Variants in PRKG1 observed in about 807,000 individuals in gnomAD.
PRKG1 encodes the protein protein kinase cGMP-dependent 1.
In PRKG1, 35 loss-of-function variants were observed where a neutral mutation model predicts 88.1. That is an observed-to-expected ratio of 0.40 (90% CI 0.30 to 0.53). The LOEUF (loss-of-function observed/expected upper bound fraction) is 0.53, where lower values mean the gene tolerates loss of function less well. PRKG1 is among the 20% of genes least tolerant of loss of function. The pLI is 0.59. For missense variants in PRKG1, 540 were observed against 839.8 expected (o/e 0.64, Z 4.41); for synonymous variants, 303 against 292.5 (o/e 1.04, Z -0.37).
intron 2 of PRKG1, among the ~76,000 whole-genome samples, chr10:51,355,968 C>A (rs535827138): frequency 6.6e-6 from 1 of 152,166 alleles, no homozygotes; most frequent in South Asian, 2.1e-4. Flanking sequence ...AGCTACAGCA[C>A]TGCTAATGTT....
intron 1 of PRKG1, among the ~76,000 whole-genome samples, chr10:51,049,401 A>C (rs1193853692): frequency 6.6e-6 from 1 of 152,220 alleles, no homozygotes; most frequent in Non-Finnish European, 1.5e-5. Context: ...TAATGAGGAA[A>C]CAATTTTTAA....
intron 2 of PRKG1, among the ~76,000 whole-genome samples, chr10:51,394,897 C>CT (rs1261411178): frequency 6.6e-6 from 1 of 152,274 alleles, no homozygotes; most frequent in East Asian, 1.9e-4. Context: ...ATTTTCCACA[C>CT]TTTTTTGATA....
intron 3 of PRKG1, among the ~76,000 whole-genome samples, chr10:51,486,654 G>T (rs914814097): frequency 4.6e-5 from 7 of 152,008 alleles, no homozygotes; most frequent in Non-Finnish European, 8.8e-5. Context: ...CGTACTATTT[G>T]AGTTTCTCAT....
chr10:51,502,296 C>T (rs1448285147), intron 3 of PRKG1, among the ~76,000 whole-genome samples: 1 of 152,102 alleles, frequency 6.6e-6, no homozygotes, highest in Admixed American at 6.6e-5. Context: ...ATAATCCTAT[C>T]CCTGGTGTCA....
intron 9 of PRKG1, chr10:52,230,652 C>T (rs1390872456): frequency 2.0e-5 from 3 of 152,156 alleles, no homozygotes; most frequent in African/African-American, 7.2e-5. Flanking sequence ...GCACTCATCG[C>T]TCACATGGAT....
At chr10:51,724,116 G>A (rs1181820785) in intron 3 of PRKG1, among the ~76,000 whole-genome samples, 1 of 152,046 alleles carries the variant, frequency 6.6e-6, no homozygotes, top group African/African-American at 2.4e-5. Flanking sequence ...ATCATAGAGG[G>A]GGTAAAAAAG....
intron 1 of PRKG1, among the ~76,000 whole-genome samples, chr10:51,027,968 A>C (rs1038069705): frequency 1.3e-5 from 2 of 152,216 alleles, no homozygotes; most frequent in African/African-American, 2.4e-5. Context: ...TCTCTGGTAG[A>C]TAATGCTAGA....
chr10:51,673,903 T>G (rs568299884), intron 3 of PRKG1, among the ~76,000 whole-genome samples: 18 of 152,326 alleles, frequency 1.2e-4, no homozygotes, highest in Admixed American at 1.1e-3. Flanking sequence ...TAATCTTGTA[T>G]TGATCACACA....
At position 51,817,141 on chromosome 10, in the gene PRKG1, G is replaced by A. The variant is rs117281790; in HGVS notation, c.698+12451G>A. Among the ~76,000 whole-genome samples the A allele has an allele frequency of 6.9e-3, 1,055 of 152,116 alleles. 1 individual carries two copies. Among genetic ancestry groups the A allele is most frequent in the Admixed American group, 0.011 (161 of 15,280 alleles). On this transcript the variant is annotated intron_variant, in intron 4 of 17. Coordinates refer to ENST00000373980, the MANE Select transcript of PRKG1 (RefSeq NM_006258.4). ...CACTTAGCATTGCTTCTTGAAATTA[G>A]GTCTTGGTGTTTGGGGCAGCGGGGC...
At chr10:51,180,376 A>T (rs1837311929) in intron 2 of PRKG1, among the ~76,000 whole-genome samples, 1 of 152,158 alleles carries the variant, frequency 6.6e-6, no homozygotes, top group Non-Finnish European at 1.5e-5. Flanking sequence ...AAGTAGACTT[A>T]GTTTGCTTTT....
chr10:51,983,410 G>A (rs1444834325), intron 5 of PRKG1, among the ~76,000 whole-genome samples: 1 of 152,170 alleles, frequency 6.6e-6, no homozygotes, highest in Non-Finnish European at 1.5e-5. Context: ...GTCAGGCATA[G>A]TCTGCCTGTG....
At chr10:51,143,297 G>T (rs1223818693) in intron 1 of PRKG1, among the ~76,000 whole-genome samples, 1 of 151,996 alleles carries the variant, frequency 6.6e-6, no homozygotes, top group Non-Finnish European at 1.5e-5. Context: ...CCATGTTGTT[G>T]TAAATGGCAG....
chr10:51,861,036 C>G (rs1159266761), intron 4 of PRKG1, among the ~76,000 whole-genome samples: 1 of 152,130 alleles, frequency 6.6e-6, no homozygotes, highest in Non-Finnish European at 1.5e-5. Flanking sequence ...AGCAAATGAG[C>G]TAAGCCCTTT....
chr10:52,110,971 A>G (rs1290031282), intron 7 of PRKG1, among the ~76,000 whole-genome samples: 1 of 152,216 alleles, frequency 6.6e-6, no homozygotes, highest in East Asian at 1.9e-4. Flanking sequence ...AGAAATGTTC[A>G]CCAATGCCAA....
intron 14 of PRKG1, among the ~76,000 whole-genome samples, chr10:52,284,047 C>T (rs868143385): frequency 8.6e-5 from 13 of 151,748 alleles, no homozygotes; most frequent in African/African-American, 3.1e-4. Context: ...TAAAAACTGG[C>T]ATATACTAAA....
intron 5 of PRKG1, among the ~76,000 whole-genome samples, chr10:51,964,917 T>C (rs1304968729): frequency 6.6e-6 from 1 of 152,126 alleles, no homozygotes; most frequent in Admixed American, 6.6e-5. Flanking sequence ...TTATTTAAAA[T>C]CAGTTGGAAA....
intron 1 of PRKG1, among the ~76,000 whole-genome samples, chr10:51,048,222 C>T (rs1372935983): frequency 6.6e-6 from 1 of 152,042 alleles, no homozygotes. Flanking sequence ...TTCCTTTCTT[C>T]CTGTCTTTCT....
chr10:51,146,498 A>G (rs1050272003), intron 1 of PRKG1, among the ~76,000 whole-genome samples: 3 of 151,868 alleles, frequency 2.0e-5, no homozygotes, highest in East Asian at 1.9e-4. Flanking sequence ...GAAGCTTGCA[A>G]ATATTTACTC....
intron 4 of PRKG1, among the ~76,000 whole-genome samples, chr10:51,842,662 T>C (rs565175130): frequency 3.0e-4 from 46 of 152,294 alleles, no homozygotes; most frequent in African/African-American, 1.1e-3. Context: ...GATAACAAAA[T>C]TATGTGTGTA....
Sources: allele counts gnomAD v4.1 joint callset (sites outside exome capture counted in the v4.1 genomes callset), GRCh38; gene constraint gnomAD v4.1.1; transcripts MANE v1.5; gene names NCBI Gene and HGNC (gene_info 2026-07-23, HGNC 2026-07-21).